MYL5: variants seen among roughly 807,000 people sequenced by gnomAD.
The protein encoded by MYL5 is myosin light chain 5.
Under a neutral mutation model 20.8 loss-of-function variants are expected in MYL5, and 28 were observed. The observed-to-expected ratio is 1.35, with a 90% CI of 1.00 to 1.84. The LOEUF is 1.84. Among genes scored for constraint, MYL5 ranks in the 40% most tolerant of loss-of-function variants. MYL5 has a pLI of 0.00. For missense variants in MYL5, 274 were observed against 227.3 expected (o/e 1.21, Z -1.32); for synonymous variants, 118 against 87.4 (o/e 1.35, Z -1.95).
exon 7 of MYL5, chr4:681,911 T>C: frequency 7.6e-7 from 1 of 1,318,720 alleles, no homozygotes; most frequent in Admixed American, 3.1e-5. Context: ...GATGTTCCAG[T>C]TCGCCTCCAT....
rs1486581165 is a variant in MYL5 at position 678,040 on chromosome 4, C to T, written c.3+11C>T. Reference sequence around the variant, plus strand: ...GCAGAAGCAGGCATGGTGAGCAGGCCGCCGTGCATGCCTGGGGCAGGCGTG... The same window carrying T: ...GCAGAAGCAGGCATGGTGAGCAGGCTGCCGTGCATGCCTGGGGCAGGCGTG... On this transcript the variant is annotated intron_variant, in intron 1 of 6. Transcript: ENST00000400159. 28 of 1,613,108 alleles carry T rather than the reference C, an allele frequency of 1.7e-5. No individual in the cohort carries two copies. Among genetic ancestry groups the T allele is most frequent in the Middle Eastern group, 1.6e-4 (1 of 6,074 alleles).
intron 6 of MYL5, among the ~76,000 whole-genome samples, chr4:681,502 G>T (rs1739531788): frequency 8.0e-6 from 1 of 124,374 alleles, no homozygotes; most frequent in African/African-American, 3.1e-5. Flanking sequence ...CACCCCTCAG[G>T]ACCCCCGCAC....
upstream of MYL5, chr4:674,577 G>C (rs71602500): frequency 0.023 from 9,745 of 417,882 alleles, 147 homozygotes; most frequent in Non-Finnish European, 0.029. Context: ...CTGTTTCCCC[G>C]CGCTGCTGCC....
chr4:678,255 T>TG, intron 1 of MYL5: 1 of 1,473,018 alleles, frequency 6.8e-7, no homozygotes, highest in Non-Finnish European at 9.0e-7. Context: ...TGCCTCACGT[T>TG]GCTCTCCTGG....
At chr4:679,108 G>A (rs566520102) in intron 3 of MYL5, 75 bp downstream of exon 5, 52 of 1,265,340 alleles carry the variant, frequency 4.1e-5, no homozygotes, top group Admixed American at 3.5e-4. Flanking sequence ...CAGACGCCGC[G>A]GCCCCTCCTC....
rs371042148 is a variant in MYL5, at chr4:680,507, A to G, written c.293-2A>G. 3.6e-5 allele frequency: 58 copies of G among 1,613,300 alleles called. No homozygotes were observed. The highest frequency in any genetic ancestry group is 1.6e-4 in the Middle Eastern group (1 of 6,080). On this transcript the variant is annotated splice_acceptor_variant, in intron 4 of 6. Transcript: ENST00000400159. LOFTEE classifies it high-confidence loss of function. ...CCTGGGCTGAAGGTGCCTTTGTGGC[A>G]GGTACCGACGCCGAGGAGACCATTC...
intron 4 of MYL5, 71 bp downstream of exon 6, chr4:680,089 T>A: frequency 7.4e-7 from 1 of 1,345,848 alleles, no homozygotes; most frequent in Non-Finnish European, 1.0e-6. Context: ...ACATTTCACG[T>A]AAAAATCTCT....
intron 6 of MYL5, 46 bp from the exon 9 acceptor site, chr4:681,847 A>G (rs1739716123): frequency 7.7e-7 from 1 of 1,300,006 alleles, no homozygotes; most frequent in Non-Finnish European, 9.8e-7. Context: ...CGCGCTTGTA[A>G]TTCGCTCCCG....
upstream of MYL5, chr4:674,658 C>G (rs1738711203): frequency 7.8e-6 from 2 of 257,564 alleles, no homozygotes; most frequent in Non-Finnish European, 1.5e-5. Flanking sequence ...ACTCTGTCTT[C>G]TTGCGCGGAG....
intron 5 of MYL5, chr4:680,815 C>T (rs753857550): frequency 1.6e-5 from 10 of 631,906 alleles, no homozygotes; most frequent in Non-Finnish European, 2.7e-5. Context: ...TTCCCCTCAG[C>T]CCACTCCTCC....
chr4:675,034 C>T (rs1418939558), upstream of MYL5: 1 of 152,448 alleles, frequency 6.6e-6, no homozygotes, highest in African/African-American at 2.4e-5. Flanking sequence ...AGAGGCTGCT[C>T]CCTGGGTCCC....
chr4:681,485 G>A (rs1047869521), intron 6 of MYL5, among the ~76,000 whole-genome samples: 5 of 111,722 alleles, frequency 4.5e-5, no homozygotes, highest in African/African-American at 1.7e-4. Flanking sequence ...CGAGACTAAT[G>A]CCGGGCCACC....
chr4:678,766 G>C lies in MYL5; in HGVS notation c.111+1G>C. ...GACTCAGATCCAGGAGTTCAAGGAG[G>C]TGAGACTTTCCTGCTTCACTGGGAG... is the stretch of plus-strand genomic sequence containing the variant. On this transcript the variant is annotated splice_donor_variant, in intron 2 of 6. Transcript: ENST00000400159. LOFTEE classifies it high-confidence loss of function. 1 of 1,609,848 alleles carries C rather than the reference G, an allele frequency of 6.2e-7. No individual in the cohort carries two copies. Among genetic ancestry groups the C allele is most frequent in the Non-Finnish European group, 8.5e-7 (1 of 1,178,314 alleles).
Position 680,961 on chromosome 4 carries a change from C to G in MYL5, c.372-131C>G, listed in dbSNP as rs974858591. ...TGTTGGGAAGGGACCTGCCCCAGGG[C>G]CACACTCCAGCGGGAAGGGCGGGAG... On this transcript the variant is annotated intron_variant, in intron 5 of 6. Coordinates refer to ENST00000400159, the Ensembl canonical transcript of MYL5. The G allele has an allele frequency of 9.5e-6, 10 of 1,052,650 alleles. No individual in the cohort carries two copies. In the Admixed American group the frequency reaches 1.9e-4, roughly 20 times the overall value. The allele number at this position is 1,052,650 out of a possible 1,614,324, so 65.2% of individuals were successfully genotyped here.
At chr4:681,016 T>A (rs1739424316) in intron 5 of MYL5, 76 bp from the exon 8 acceptor site, 2 of 1,508,190 alleles carry the variant, frequency 1.3e-6, no homozygotes, top group East Asian at 2.4e-5. Context: ...CTGGGGCCCC[T>A]GGAGCACCTG....
upstream of MYL5, chr4:677,000 C>T (rs1351729231): frequency 7.9e-6 from 7 of 881,306 alleles, no homozygotes; most frequent in Non-Finnish European, 9.5e-6. Flanking sequence ...AAGAGACATG[C>T]AAGTGGCACC....
At chr4:676,410 A>C (rs1577325488), upstream of MYL5, 1 of 151,802 alleles carries the variant, frequency 6.6e-6, no homozygotes, top group Non-Finnish European at 1.5e-5. Flanking sequence ...CCTGGGGAAA[A>C]CCCCCTGAAG....
chr4:681,714 AGCGCCGCCCCGCCCCCTCCAGCGCC>A (rs1560158050), intron 6 of MYL5, 154 bp from the exon 9 acceptor site: 2 of 78,742 alleles, frequency 2.5e-5, no homozygotes, highest in African/African-American at 1.6e-4. Flanking sequence ...CGCCCCCTCC[AGCGCCGCCCCGCCCCCTCCAGCGCC>A]GCCCCGCCCC....
chr4:679,469 C>A (rs1369256563), intron 3 of MYL5, among the ~76,000 whole-genome samples: 1 of 152,218 alleles, frequency 6.6e-6, no homozygotes, highest in Non-Finnish European at 1.5e-5. Flanking sequence ...TGGTGGGGCA[C>A]ACTGCCCTCC....
Sources: allele counts gnomAD v4.1 joint callset (sites outside exome capture counted in the v4.1 genomes callset), GRCh38; gene constraint gnomAD v4.1.1; transcripts MANE v1.5; gene names NCBI Gene and HGNC (gene_info 2026-07-23, HGNC 2026-07-21).